Variants in OR1B1 observed in about 807,000 individuals in gnomAD.
The protein encoded by OR1B1 is olfactory receptor family 1 subfamily B member 1, also known as olfactory receptor 1B1.
For missense variants in OR1B1, 414 were observed against 402.1 expected (o/e 1.03, Z -0.25); for synonymous variants, 168 against 156.2 (o/e 1.08, Z -0.57).
the OR1B1 span, among the ~76,000 whole-genome samples, chr9:122,638,507 T>C: frequency 6.6e-6 from 1 of 152,178 alleles, no homozygotes; most frequent in East Asian, 1.9e-4. Context: ...CTCAAAATAA[T>C]ATCCACATCA....
upstream of OR1B1, among the ~76,000 whole-genome samples, chr9:122,632,999 A>G (rs1257683604): frequency 6.6e-6 from 1 of 152,194 alleles, no homozygotes; most frequent in African/African-American, 2.4e-5. Flanking sequence ...GAGCTTCTGC[A>G]GGGAAACTCC....
chr9:122,644,271 A>G, the OR1B1 span, among the ~76,000 whole-genome samples: 2 of 151,306 alleles, frequency 1.3e-5, no homozygotes, highest in African/African-American at 4.9e-5. Flanking sequence ...ATTCACCACA[A>G]GCTGAAAGAA....
exon 1 of OR1B1, chr9:122,628,662 T>G: frequency 6.2e-7 from 1 of 1,614,088 alleles, no homozygotes; most frequent in Non-Finnish European, 8.5e-7. Flanking sequence ...ACAAATGGGT[T>G]GGCCAAAGGT....
chr9:122,629,331 A>C, exon 1 of OR1B1: 1 of 1,614,180 alleles, frequency 6.2e-7, no homozygotes, highest in Non-Finnish European at 8.5e-7. Flanking sequence ...TCTATCACAG[A>C]GAGGCCACGA....
the OR1B1 span, among the ~76,000 whole-genome samples, chr9:122,649,566 A>G: frequency 6.6e-6 from 1 of 152,296 alleles, no homozygotes; most frequent in South Asian, 2.1e-4. Context: ...GAAAAAAACA[A>G]CCCCATCAAA....
the OR1B1 span, among the ~76,000 whole-genome samples, chr9:122,652,079 TATTTC>T: frequency 6.6e-6 from 1 of 152,224 alleles, no homozygotes; most frequent in African/African-American, 2.4e-5. Flanking sequence ...TCTGGTATTT[TATTTC>T]ATTTAAGCAT....
chr9:122,645,661 C>T, the OR1B1 span, among the ~76,000 whole-genome samples: 2 of 151,888 alleles, frequency 1.3e-5, no homozygotes, highest in Non-Finnish European at 2.9e-5. Flanking sequence ...AAAAAATTTA[C>T]CCTAGAATAG....
the OR1B1 span, among the ~76,000 whole-genome samples, chr9:122,644,451 C>T: frequency 6.6e-6 from 1 of 152,196 alleles, no homozygotes; most frequent in Admixed American, 6.5e-5. Flanking sequence ...TAGAATAGAA[C>T]ATTAGGTAAA....
At chr9:122,649,142 C>G in the OR1B1 span, among the ~76,000 whole-genome samples, 1 of 152,080 alleles carries the variant, frequency 6.6e-6, no homozygotes, top group East Asian at 1.9e-4. Context: ...CAAAAACAAG[C>G]AATGGGGGAA....
At chr9:122,629,665 C>A, upstream of OR1B1, 1 of 603,956 alleles carries the variant, frequency 1.7e-6, no homozygotes, top group South Asian at 2.4e-5. Context: ...TAGATTCGAA[C>A]TTGACCATCT....
chr9:122,629,499 C>T (rs77073101), exon 1 of OR1B1: 3 of 1,421,802 alleles, frequency 2.1e-6, no homozygotes, highest in Non-Finnish European at 3.0e-6. Context: ...AGCAAAAAAA[C>T]CGGAGAGTGT....
exon 1 of OR1B1, chr9:122,629,195 G>T: frequency 1.2e-6 from 2 of 1,614,046 alleles, no homozygotes; most frequent in South Asian, 1.1e-5. Flanking sequence ...AATGACAAGT[G>T]TATCTGTAAC....
chr9:122,628,733 G>A (rs41316978), exon 1 of OR1B1: 5 of 1,614,074 alleles, frequency 3.1e-6, no homozygotes, highest in African/African-American at 1.3e-5. Context: ...CTGGAAGGGA[G>A]GCTGGAAGTA....
At position 122,629,083 on chromosome 9, in the gene OR1B1, C is replaced by T. The variant is rs868082610; in HGVS notation, c.453G>A (p.Trp151Ter). ...ACATGGTGTGCAGTATGGACACCAC[C>T]CAGCTCAAGGCTAGTAAGCAGGCAC... Residue 151 changes from tryptophan (W) to a stop codon, truncating the protein, a stop_gained, in exon 1 of 1, where the codon TGG becomes TGA. Coordinates refer to ENST00000623530, the Ensembl canonical transcript of OR1B1. LOFTEE classifies it low-confidence loss of function (END_TRUNC). The T allele has an allele frequency of 3.1e-6, 5 of 1,613,854 alleles. No individual in the cohort carries two copies. In the Admixed American group the frequency reaches 6.7e-5, roughly 22 times the overall value.
At chr9:122,638,261 GTC>G in the OR1B1 span, among the ~76,000 whole-genome samples, 7 of 152,150 alleles carry the variant, frequency 4.6e-5, no homozygotes, top group Admixed American at 3.3e-4. Flanking sequence ...ATCTATAGCA[GTC>G]AATTTTTTCA....
At chr9:122,628,527 G>A (rs1372462091), downstream of OR1B1, 2 of 1,246,440 alleles carry the variant, frequency 1.6e-6, no homozygotes, top group Non-Finnish European at 2.3e-6. Flanking sequence ...ACTCTGCTCA[G>A]AATATGCCCA....
chr9:122,630,939 C>A (rs1346449216), upstream of OR1B1, among the ~76,000 whole-genome samples: 1 of 152,150 alleles, frequency 6.6e-6, no homozygotes, highest in African/African-American at 2.4e-5. Context: ...AACTCCTGAT[C>A]TCGTGATCCA....
At chr9:122,654,039 A>AGAC in the OR1B1 span, among the ~76,000 whole-genome samples, 1,288 of 152,302 alleles carry the variant, frequency 8.5e-3, 15 homozygotes, top group African/African-American at 0.029. Context: ...CCAGAAAAAG[A>AGAC]GACTCTTTTC....
At chr9:122,642,142 GGAACA>G in the OR1B1 span, among the ~76,000 whole-genome samples, 16 of 152,160 alleles carry the variant, frequency 1.1e-4, no homozygotes, top group Admixed American at 8.5e-4. Context: ...ATCAAGAATG[GGAACA>G]GAAAGGAGAA....
Sources: allele counts gnomAD v4.1 joint callset (sites outside exome capture counted in the v4.1 genomes callset), GRCh38; gene constraint gnomAD v4.1.1; transcripts MANE v1.5; gene names NCBI Gene and HGNC (gene_info 2026-07-23, HGNC 2026-07-21).